The following CFAP299 variants were observed in gnomAD, a reference collection of about 807,000 sequenced individuals.
The protein encoded by CFAP299 is cilia- and flagella-associated protein 299.
A neutral mutation model predicts 27.0 loss-of-function variants in CFAP299; 21 were observed. That is an observed-to-expected ratio of 0.78 (90% CI 0.55 to 1.12). The LOEUF is 1.12. Among genes scored for constraint, CFAP299 ranks in the 50% most tolerant of loss-of-function variants. The probability of loss-of-function intolerance (pLI) is 0.00; values close to 1 mark genes in which losing one functional copy is unlikely to be tolerated. For synonymous variants in CFAP299, 104 were observed against 98.1 expected (o/e 1.06, Z -0.36); for missense variants, 310 against 276.6 (o/e 1.12, Z -0.86).
intron 3 of CFAP299, among the ~76,000 whole-genome samples, chr4:80,631,919 T>G (rs1408835983): frequency 7.5e-6 from 1 of 133,030 alleles, no homozygotes; most frequent in Admixed American, 8.9e-5. Flanking sequence ...GTGCTGGTAT[T>G]AGGCAGTGAG....
At chr4:80,911,216 G>GTTTTTTTTTTTTTTTTTT (rs758866957) in intron 4 of CFAP299, among the ~76,000 whole-genome samples, 1 of 124,846 alleles carries the variant, frequency 8.0e-6, no homozygotes, top group Non-Finnish European at 1.8e-5. Flanking sequence ...TTGCTTGGTT[G>GTTTTTTTTTTTTTTTTTT]TTTTTTTTTT....
intron 3 of CFAP299, among the ~76,000 whole-genome samples, chr4:80,790,868 C>A (rs571419904): frequency 6.6e-6 from 1 of 152,074 alleles, no homozygotes; most frequent in South Asian, 2.1e-4. Context: ...AATTAGAATA[C>A]AATATTTTAC....
chr4:80,504,695 C>A (rs1366465904), intron 2 of CFAP299, among the ~76,000 whole-genome samples: 1 of 147,360 alleles, frequency 6.8e-6, no homozygotes, highest in Non-Finnish European at 1.5e-5. Context: ...TTAAAAAAAA[C>A]ACTGTAGAAG....
At chr4:80,863,388 A>C (rs1732503211) in intron 3 of CFAP299, among the ~76,000 whole-genome samples, 1 of 152,180 alleles carries the variant, frequency 6.6e-6, no homozygotes, top group Non-Finnish European at 1.5e-5. Context: ...CCAAAGATCC[A>C]AATGATATAT....
intron 3 of CFAP299, among the ~76,000 whole-genome samples, chr4:80,618,594 T>C (rs1199849871): frequency 6.6e-6 from 1 of 152,066 alleles, no homozygotes. Flanking sequence ...GAAGACAACA[T>C]GGAAACATAC....
chr4:80,861,402 G>A lies in CFAP299; in HGVS notation c.334-8591G>A, dbSNP rs373497282. On this transcript the variant is annotated intron_variant, in intron 3 of 5. Transcript: ENST00000358105. ...CCTCACCCTGCTTTGGCTCGTGCAC[G>A]GTGCACTGAACCCACTGACCTGTGC... 1.4e-4 allele frequency among the ~76,000 whole-genome samples: 21 copies of A among 152,188 alleles called. No individual in the cohort carries two copies. In the South Asian group the frequency reaches 2.9e-3, roughly 21 times the overall value.
intron 3 of CFAP299, among the ~76,000 whole-genome samples, chr4:80,681,623 A>C (rs762628988): frequency 6.6e-6 from 1 of 152,156 alleles, no homozygotes; most frequent in Non-Finnish European, 1.5e-5. Flanking sequence ...AAATATTTCT[A>C]AAGTGTTAAA....
intron 3 of CFAP299, among the ~76,000 whole-genome samples, chr4:80,674,212 G>A (rs1439735704): frequency 1.3e-5 from 2 of 152,166 alleles, no homozygotes; most frequent in African/African-American, 4.8e-5. Flanking sequence ...TTTAGGGCAG[G>A]CCTGGTGGTG....
intron 1 of CFAP299, among the ~76,000 whole-genome samples, chr4:80,351,860 T>C (rs1723028710): frequency 6.7e-6 from 1 of 150,292 alleles, no homozygotes; most frequent in African/African-American, 2.4e-5. Context: ...TACATTAAAT[T>C]GTTTTATAAT....
chr4:80,807,765 TGACATTTTTCA>T (rs1441358280), intron 3 of CFAP299, among the ~76,000 whole-genome samples: 1 of 152,222 alleles, frequency 6.6e-6, no homozygotes, highest in East Asian at 1.9e-4. Context: ...CTCCAACTGA[TGACATTTTTCA>T]GACATTTCAA....
chr4:80,541,206 T>A (rs1733979679), intron 2 of CFAP299, among the ~76,000 whole-genome samples: 1 of 152,176 alleles, frequency 6.6e-6, no homozygotes, highest in African/African-American at 2.4e-5. Context: ...ACGTAAAGAT[T>A]TTTCCGACTC....
intron 2 of CFAP299, among the ~76,000 whole-genome samples, chr4:80,499,269 ATTTG>A (rs942156566): frequency 3.3e-5 from 5 of 152,126 alleles, no homozygotes; most frequent in Admixed American, 3.3e-4. Context: ...AAAAATAAAT[ATTTG>A]TTTGAGGGAA....
chr4:80,856,518 A>G (rs1731900486), intron 3 of CFAP299, among the ~76,000 whole-genome samples: 1 of 151,930 alleles, frequency 6.6e-6, no homozygotes, highest in Non-Finnish European at 1.5e-5. Context: ...GTTTTCTTCT[A>G]GGGTTTTTAT....
At chr4:80,363,616 A>G (rs1043652813) in intron 2 of CFAP299, among the ~76,000 whole-genome samples, 2 of 152,216 alleles carry the variant, frequency 1.3e-5, no homozygotes, top group African/African-American at 2.4e-5. Context: ...CATTATAAAC[A>G]ATAACATTTG....
At chr4:80,674,454 AT>A (rs1037763160) in intron 3 of CFAP299, among the ~76,000 whole-genome samples, 6 of 151,816 alleles carry the variant, frequency 4.0e-5, no homozygotes, top group Admixed American at 3.9e-4. Context: ...TGCCCTTAAC[AT>A]TTTTTCCCTC....
At chr4:80,588,295 G>A (rs116001964) in intron 3 of CFAP299, among the ~76,000 whole-genome samples, 1,723 of 150,836 alleles carry the variant, frequency 0.011, 152 homozygotes, top group African/African-American at 0.039. Context: ...TCTGGAGCTG[G>A]GTACATCTGC....
At chr4:80,517,752 G>T (rs1359697943) in intron 2 of CFAP299, among the ~76,000 whole-genome samples, 2 of 152,136 alleles carry the variant, frequency 1.3e-5, no homozygotes, top group Non-Finnish European at 2.9e-5. Context: ...CTCTACCAAG[G>T]TTCAGTGGCC....
chr4:80,386,425 G>GC (rs1724998259), intron 2 of CFAP299: 3 of 1,543,838 alleles, frequency 1.9e-6, no homozygotes, highest in Non-Finnish European at 2.6e-6. Flanking sequence ...ATCTCCTCCA[G>GC]CCCCAGCGGG....
At chr4:80,548,098 C>T (rs999405674) in intron 2 of CFAP299, among the ~76,000 whole-genome samples, 3 of 152,080 alleles carry the variant, frequency 2.0e-5, no homozygotes, top group Non-Finnish European at 4.4e-5. Flanking sequence ...CAGCACTGCT[C>T]ACAATAGCAA....
Sources: allele counts gnomAD v4.1 joint callset (sites outside exome capture counted in the v4.1 genomes callset), GRCh38; gene constraint gnomAD v4.1.1; transcripts MANE v1.5; gene names NCBI Gene and HGNC (gene_info 2026-07-23, HGNC 2026-07-21).